The following CSTF3 variants were observed in gnomAD, a reference collection of about 807,000 sequenced individuals.
CSTF3 encodes CF-1 77 kDa subunit.
Under a neutral mutation model 105.8 loss-of-function variants are expected in CSTF3, and 29 were observed. The ratio of observed to expected loss-of-function variants is 0.27; its 90% CI spans 0.20 to 0.37. CSTF3 has a LOEUF of 0.37. Among genes scored for constraint, CSTF3 ranks in the 10% least tolerant of loss-of-function variants. The pLI, the probability that CSTF3 is intolerant of heterozygous loss-of-function variation, is 1.00. For synonymous variants in CSTF3, 252 were observed against 281.9 expected, an observed-to-expected ratio of 0.89 and a Z score of 1.06; for missense variants, 357 against 879.3, an observed-to-expected ratio of 0.41 and a Z score of 7.51.
At chr11:33,094,250 G>T (rs929498125) in intron 15 of CSTF3, among the ~76,000 whole-genome samples, 1 of 152,138 alleles carries the variant, frequency 6.6e-6, no homozygotes, top group Non-Finnish European at 1.5e-5. Context: ...CCTCTCAACA[G>T]TCCTATGAAA....
rs1408050209 is a variant in CSTF3, at chr11:33,154,487, C to CTTTTTTTTTTTT, written c.27+6811_27+6812insAAAAAAAAAAAA. On this transcript the variant is annotated intron_variant, in intron 1 of 20. Coordinates refer to ENST00000323959, the MANE Select transcript of CSTF3 (RefSeq NM_001326.3). ...TAGACCGGAGTAGCACTCCGTAAGACTTTCTTTTTTTTTTTTTTTTTTTTT... is the reference window on the plus strand; with the variant it reads ...TAGACCGGAGTAGCACTCCGTAAGACTTTTTTTTTTTTTTTCTTTTTTTTTTTTTTTTTTTTT... Among the ~76,000 whole-genome samples the CTTTTTTTTTTTT allele has an allele frequency of 9.8e-5, 3 of 30,636 alleles. 1 individual carries two copies. Among genetic ancestry groups the CTTTTTTTTTTTT allele is most frequent in the Non-Finnish European group, 9.6e-5 (1 of 10,446 alleles). 20.1% of individuals were successfully genotyped at this position (30,636 alleles called of 152,430 possible). A position where few individuals can be genotyped will look rare whatever the true frequency, so the allele number is the denominator to read the frequency against.
chr11:33,161,037 T>C (rs1849933945), intron 1 of CSTF3, among the ~76,000 whole-genome samples: 1 of 152,112 alleles, frequency 6.6e-6, no homozygotes, highest in African/African-American at 2.4e-5. Context: ...TCTGGAGTAG[T>C]CCCATGAATC....
At chr11:33,088,088 TTATA>T (rs1238555163) in intron 17 of CSTF3, among the ~76,000 whole-genome samples, 1 of 152,242 alleles carries the variant, frequency 6.6e-6, no homozygotes, top group East Asian at 1.9e-4. Flanking sequence ...CTGGTATTAA[TTATA>T]TAAGCAAATC....
intron 15 of CSTF3, among the ~76,000 whole-genome samples, chr11:33,093,278 A>T (rs1022130865): frequency 6.6e-5 from 10 of 152,220 alleles, no homozygotes; most frequent in Non-Finnish European, 1.5e-4. Context: ...ATGTTAAACA[A>T]ATCTTACATT....
intron 1 of CSTF3, among the ~76,000 whole-genome samples, chr11:33,157,059 A>T (rs1337411482): frequency 6.6e-6 from 1 of 152,102 alleles, no homozygotes; most frequent in East Asian, 1.9e-4. Flanking sequence ...ATTAAAAAAA[A>T]CAAACACCAC....
Position 33,147,133 on chromosome 11 carries a change from C to T in CSTF3, c.28-5147G>A, listed in dbSNP as rs545060881. ...CAGTGAGACTCTGTCTCTACCAAAA[C>T]AAAACAAAAACAACTTAGCCAGGCG... On this transcript the variant is annotated intron_variant, in intron 1 of 20. Transcript: ENST00000323959. Among the ~76,000 whole-genome samples the T allele has an allele frequency of 8.6e-5, 13 of 151,236 alleles. No homozygotes were observed. The East Asian group carries it at 2.2e-3, about 25-fold the overall frequency.
chr11:33,123,145 A>G (rs1590274954), intron 3 of CSTF3, among the ~76,000 whole-genome samples: 1 of 151,938 alleles, frequency 6.6e-6, no homozygotes, highest in East Asian at 1.9e-4. Flanking sequence ...TGCTAACATT[A>G]AAAGTTTCCC....
chr11:33,147,398 C>T (rs1436303095), intron 1 of CSTF3, among the ~76,000 whole-genome samples: 1 of 151,610 alleles, frequency 6.6e-6, no homozygotes, highest in Non-Finnish European at 1.5e-5. Context: ...AGTTCGAGAC[C>T]AGCCTGGCCA....
chr11:33,137,804 G>A (rs1412706018), intron 3 of CSTF3, among the ~76,000 whole-genome samples: 1 of 151,658 alleles, frequency 6.6e-6, no homozygotes, highest in East Asian at 1.9e-4. Context: ...CTGAAGTATA[G>A]AAATCACCAT....
intron 1 of CSTF3, among the ~76,000 whole-genome samples, chr11:33,155,246 C>T (rs956192524): frequency 1.1e-4 from 16 of 152,050 alleles, no homozygotes; most frequent in Middle Eastern, 6.8e-3. Flanking sequence ...CACCTATAGT[C>T]CCCGCTACTA....
At chr11:33,136,045 C>T (rs1327652859) in intron 3 of CSTF3, 1 of 152,450 alleles carries the variant, frequency 6.6e-6, no homozygotes, top group African/African-American at 2.4e-5. Context: ...AGAACTATTG[C>T]TTAATTAACA....
chr11:33,139,047 T>C (rs1855682491), intron 3 of CSTF3, among the ~76,000 whole-genome samples: 1 of 151,942 alleles, frequency 6.6e-6, no homozygotes, highest in South Asian at 2.1e-4. Context: ...TATGAGCAAA[T>C]CTGATGCACT....
At chr11:33,114,694 T>C (rs1855413706) in intron 3 of CSTF3, among the ~76,000 whole-genome samples, 1 of 151,750 alleles carries the variant, frequency 6.6e-6, no homozygotes, top group Non-Finnish European at 1.5e-5. Context: ...CTACTAAAAA[T>C]ACAAAAATTA....
At chr11:33,147,661 A>C (rs1855802314) in intron 1 of CSTF3, among the ~76,000 whole-genome samples, 1 of 152,168 alleles carries the variant, frequency 6.6e-6, no homozygotes, top group South Asian at 2.1e-4. Context: ...CTAAGAAATA[A>C]AACTGATATG....
chr11:33,107,761 A>G (rs1855341192), intron 5 of CSTF3, 142 bp downstream of exon 5: 1 of 526,124 alleles, frequency 1.9e-6, no homozygotes, highest in African/African-American at 2.0e-5. Flanking sequence ...ACTTTTTTCA[A>G]GGTTACTAAT....
In CSTF3 at chr11:33,099,257, G is replaced by A. The variant is rs1157328967; in HGVS notation, c.937-107C>T. ...TTATTTTATTTATGTGTCTAAGAAA[G>A]CATACATGTATGTACACACATATAT... On this transcript the variant is annotated intron_variant, in intron 11 of 20. Coordinates refer to ENST00000323959, the MANE Select transcript of CSTF3 (RefSeq NM_001326.3). The surrounding 1 kb of genome is among the most constrained non-coding windows in gnomAD (Gnocchi z 4.1). The A allele has an allele frequency of 2.4e-5, 32 of 1,329,522 alleles. No individual in the cohort carries two copies. Among genetic ancestry groups the A allele is most frequent in the Non-Finnish European group, 3.2e-5 (31 of 976,862 alleles). The allele number at this position is 1,329,522 out of a possible 1,614,324, so 82.4% of individuals were successfully genotyped here. A position where few individuals can be genotyped will look rare whatever the true frequency, so the allele number is the denominator to read the frequency against.
intron 15 of CSTF3, among the ~76,000 whole-genome samples, chr11:33,093,668 A>G (rs529954196): frequency 6.6e-6 from 1 of 152,164 alleles, no homozygotes; most frequent in Admixed American, 6.5e-5. Flanking sequence ...TCTGGTATGT[A>G]TTTACACACT....
Position 33,141,680 on chromosome 11 carries a change from TAC to T in CSTF3, c.210_211del (p.Tyr71HisfsTer2). 1.2e-6 allele frequency: 2 copies of T among 1,612,610 alleles called. No homozygotes were observed. Among genetic ancestry groups the T allele is most frequent in the Non-Finnish European group, 1.7e-6 (2 of 1,179,554 alleles). ...TAAAATAGTAACCTCTGCTTCAATG[TAC>T]AGTTTCCAGAATCTGCCAGAACTGG... On this transcript the variant is annotated frameshift_variant, in exon 3 of 21. Transcript: ENST00000323959. LOFTEE classifies it high-confidence loss of function.
intron 5 of CSTF3, among the ~76,000 whole-genome samples, chr11:33,106,412 T>G (rs1855325965): frequency 6.6e-6 from 1 of 151,826 alleles, no homozygotes; most frequent in Admixed American, 6.6e-5. Context: ...CAAGACCCTG[T>G]CTCTAAAAAA....
Sources: gnomAD v4.1 joint callset for allele counts (sites outside exome capture counted in the v4.1 genomes callset) on GRCh38, gnomAD v4.1.1 for gene constraint, Gnocchi (gnomAD v3.1) non-coding constraint, MANE v1.5 for transcripts, NCBI Gene and HGNC (gene_info 2026-07-23, HGNC 2026-07-21) for gene names.